WNK2: variants seen among roughly 807,000 people sequenced by gnomAD.
WNK2 encodes the protein WNK lysine deficient protein kinase 2.
WNK2 carries 67 observed loss-of-function variants against 192.1 expected under a neutral mutation model. The ratio of observed to expected loss-of-function variants is 0.35; its 90% CI spans 0.29 to 0.43. The LOEUF (loss-of-function observed/expected upper bound fraction) is 0.43, where lower values mean the gene tolerates loss of function less well. Ranked by LOEUF, WNK2 falls within the 20% of genes least tolerant of loss-of-function variation. The pLI is 1.00. For missense variants in WNK2, 2,698 were observed against 3,089.7 expected, an observed-to-expected ratio of 0.87 and a Z score of 3.01; for synonymous variants, 1,439 against 1,393.9, an observed-to-expected ratio of 1.03 and a Z score of -0.72.
chr9:93,219,607 C>T (rs939273907), intron 2 of WNK2, among the ~76,000 whole-genome samples: 1 of 152,240 alleles, frequency 6.6e-6, no homozygotes, highest in Non-Finnish European at 1.5e-5. Context: ...CAGGCGCCTA[C>T]TCAGGGTAGT....
At chr9:93,207,608 T>C (rs573407307) in intron 2 of WNK2, among the ~76,000 whole-genome samples, 1 of 152,360 alleles carries the variant, frequency 6.6e-6, no homozygotes, top group South Asian at 2.1e-4. Context: ...GAGCCATTTA[T>C]AGAACAGATG....
At chr9:93,206,591 G>A (rs1038135615) in intron 2 of WNK2, among the ~76,000 whole-genome samples, 10 of 148,922 alleles carry the variant, frequency 6.7e-5, no homozygotes, top group Admixed American at 2.0e-4. Flanking sequence ...TGGTGGCTGC[G>A]TGACTGGGGG....
Position 93,256,911 on chromosome 9 carries a change from T to C in WNK2, c.2191-37T>C, listed in dbSNP as rs754753143. ...AGTGGGGTGCGCTTGTCTGGGCAGA[T>C]TGGTGGTCTAAGGGGAGCTACCTTC... On this transcript the variant is annotated intron_variant, in intron 10 of 29. Coordinates refer to ENST00000427277, the MANE Select transcript of WNK2 (RefSeq NM_006648.4). 3.3e-6 allele frequency: 5 copies of C among 1,519,404 alleles called. No homozygotes were observed. In the East Asian group the frequency reaches 9.8e-5, roughly 30 times the overall value. 94.1% of individuals were successfully genotyped at this position (1,519,404 alleles called of 1,614,324 possible). A position where few individuals can be genotyped will look rare whatever the true frequency, so the allele number is the denominator to read the frequency against.
intron 2 of WNK2, among the ~76,000 whole-genome samples, chr9:93,212,841 A>G (rs538296343): frequency 1.3e-5 from 2 of 152,140 alleles, no homozygotes; most frequent in Non-Finnish European, 2.9e-5. Context: ...TCTGGGTGTG[A>G]GTGAGAAAAA....
intron 26 of WNK2, among the ~76,000 whole-genome samples, chr9:93,304,978 G>T (rs1159740562): frequency 6.6e-6 from 1 of 152,224 alleles, no homozygotes; most frequent in Non-Finnish European, 1.5e-5. Flanking sequence ...CTGAGCAGGT[G>T]CCGTGTCCTC....
chr9:93,230,700 G>A (rs1838630644), intron 3 of WNK2, among the ~76,000 whole-genome samples, 188 bp from the exon 4 acceptor site: 1 of 152,274 alleles, frequency 6.6e-6, no homozygotes, highest in South Asian at 2.1e-4. Flanking sequence ...CCAGCTGGCT[G>A]CTCAGGGGCC....
intron 2 of WNK2, among the ~76,000 whole-genome samples, chr9:93,211,835 C>T (rs1256933074): frequency 2.0e-5 from 3 of 151,114 alleles, no homozygotes; most frequent in Non-Finnish European, 4.4e-5. Context: ...TCATCTACTC[C>T]TCGCTCACTC....
chr9:93,318,681 TTTC>T, intron 29 of WNK2: 1 of 1,492,350 alleles, frequency 6.7e-7, no homozygotes, highest in Non-Finnish European at 8.9e-7. Flanking sequence ...TTCTCCATGA[TTTC>T]CATGGAGACC....
intron 2 of WNK2, among the ~76,000 whole-genome samples, chr9:93,223,828 C>T (rs1040901695): frequency 2.6e-5 from 4 of 152,224 alleles, no homozygotes; most frequent in Admixed American, 2.0e-4. Flanking sequence ...GCAGTGGGGA[C>T]ACCCTCCCGG....
intron 19 of WNK2, chr9:93,269,011 T>C: frequency 7.0e-7 from 1 of 1,429,932 alleles, no homozygotes; most frequent in Non-Finnish European, 9.6e-7. Flanking sequence ...TAGGTGTGTG[T>C]TGAAGAGCTC....
chr9:93,207,902 C>G (rs536498149), intron 2 of WNK2, among the ~76,000 whole-genome samples: 8 of 152,218 alleles, frequency 5.3e-5, no homozygotes, highest in African/African-American at 1.9e-4. Flanking sequence ...TTCACAGTTC[C>G]GTTCTCGTGC....
rs1829968089 is a variant in WNK2 at position 93,189,663 on chromosome 9, A to C, written c.681+4053A>C. On this transcript the variant is annotated intron_variant, in intron 2 of 29. Coordinates refer to ENST00000427277, the MANE Select transcript of WNK2 (RefSeq NM_006648.4). ...TCCAAGGACAGCCCAGCCACCCGACAGCCTCTCTCCCAGCCGCTGGCAGCC... is the reference window on the plus strand; with the variant it reads ...TCCAAGGACAGCCCAGCCACCCGACCGCCTCTCTCCCAGCCGCTGGCAGCC... Among the ~76,000 whole-genome samples the C allele has an allele frequency of 2.0e-5, 3 of 152,172 alleles. No homozygotes were observed. The South Asian group carries it at 6.2e-4, about 31-fold the overall frequency.
At chr9:93,208,800 GTGTGTTCTGTGTA>G (rs1833953665) in intron 2 of WNK2, among the ~76,000 whole-genome samples, 2 of 2,020 alleles carry the variant, frequency 9.9e-4, no homozygotes, top group Non-Finnish European at 2.1e-3. Context: ...TGCTCTGCAT[GTGTGTTCTGTGTA>G]TGTGCATGTT....
At chr9:93,187,016 G>T (rs932479890) in intron 2 of WNK2, among the ~76,000 whole-genome samples, 1 of 152,192 alleles carries the variant, frequency 6.6e-6, no homozygotes, top group East Asian at 1.9e-4. Flanking sequence ...GCAGAGAGAA[G>T]AGAGGGCCTG....
intron 26 of WNK2, among the ~76,000 whole-genome samples, chr9:93,306,037 A>G (rs192152047): frequency 6.6e-6 from 1 of 152,144 alleles, no homozygotes; most frequent in Non-Finnish European, 1.5e-5. Context: ...CATTGCATTC[A>G]GTGTATACCA....
chr9:93,257,212 C>A lies in WNK2; in HGVS notation c.2382+73C>A. The A allele has an allele frequency of 6.7e-7, 1 of 1,484,974 alleles. No homozygotes were observed. Among genetic ancestry groups the A allele is most frequent in the Non-Finnish European group, 9.1e-7 (1 of 1,102,952 alleles). 92.0% of individuals were successfully genotyped at this position (1,484,974 alleles called of 1,614,324 possible). The stretch of plus-strand genomic sequence containing the variant: ...AGGCCCTGGCTGGTGCACTAGGACA[C>A]CCACAGAGGGGGTTGTCTGTGCATG... On this transcript the variant is annotated intron_variant, in intron 11 of 29. Coordinates refer to ENST00000427277, the MANE Select transcript of WNK2 (RefSeq NM_006648.4). This position sits in a 1 kb window ranked among gnomAD's most constrained non-coding sequence, Gnocchi z 4.7.
chr9:93,253,503 A>G (rs750139174), intron 9 of WNK2, among the ~76,000 whole-genome samples: 4 of 152,136 alleles, frequency 2.6e-5, no homozygotes, highest in Non-Finnish European at 5.9e-5. Flanking sequence ...GGCCTGGGAC[A>G]TTATCCCAGA....
At chr9:93,199,208 T>C (rs1831882408) in intron 2 of WNK2, among the ~76,000 whole-genome samples, 1 of 152,178 alleles carries the variant, frequency 6.6e-6, no homozygotes, top group South Asian at 2.1e-4. Flanking sequence ...GACCGATGCC[T>C]GGGGTCTCAG....
chr9:93,230,568 C>G (rs1467342525), intron 3 of WNK2, among the ~76,000 whole-genome samples: 1 of 152,226 alleles, frequency 6.6e-6, no homozygotes, highest in Non-Finnish European at 1.5e-5. Context: ...GTACTCCGTC[C>G]TGCCTTGGGC....
Sources: allele counts gnomAD v4.1 joint callset (sites outside exome capture counted in the v4.1 genomes callset), GRCh38; gene constraint gnomAD v4.1.1; non-coding constraint Gnocchi (gnomAD v3.1); transcripts MANE v1.5; gene names NCBI Gene and HGNC (gene_info 2026-07-23, HGNC 2026-07-21).